The following CNBD1 variants were observed in gnomAD, a reference collection of about 807,000 sequenced individuals.
The protein encoded by CNBD1 is cyclic nucleotide binding domain containing 1.
CNBD1 carries 71 observed loss-of-function variants against 54.4 expected under a neutral mutation model. The ratio of observed to expected loss-of-function variants is 1.30; its 90% confidence interval spans 1.08 to 1.59. The LOEUF (loss-of-function observed/expected upper bound fraction) is 1.59. Among genes scored for constraint, CNBD1 ranks in the 40% most tolerant of loss-of-function variants. The probability of loss-of-function intolerance (pLI) is 0.00; values close to 1 mark genes in which losing one functional copy is unlikely to be tolerated. For synonymous variants in CNBD1, 182 were observed against 170.7 expected (o/e 1.07, Z -0.51); for missense variants, 659 against 518.0 (o/e 1.27, Z -2.64).
chr8:86,883,699 T>C (rs1476352943), intron 1 of CNBD1, among the ~76,000 whole-genome samples: 4 of 152,206 alleles, frequency 2.6e-5, no homozygotes, highest in Admixed American at 2.6e-4. Context: ...AGGTCTCTGA[T>C]GATCTTAATG....
chr8:87,392,191 A>G (rs1467922471), intron 2 of CNBD1, among the ~76,000 whole-genome samples: 1 of 152,056 alleles, frequency 6.6e-6, no homozygotes, highest in African/African-American at 2.4e-5. Context: ...TCGTGCTCTC[A>G]TACATAGCTT....
chr8:87,426,361 A>G (rs780941300), intron 2 of CNBD1, among the ~76,000 whole-genome samples: 25 of 152,166 alleles, frequency 1.6e-4, no homozygotes, highest in Admixed American at 4.6e-4. Context: ...TTGATTTTCT[A>G]AATTATTAAA....
At chr8:87,392,430 G>A (rs1307803250) in intron 2 of CNBD1, among the ~76,000 whole-genome samples, 3 of 151,934 alleles carry the variant, frequency 2.0e-5, no homozygotes, top group Non-Finnish European at 4.4e-5. Context: ...CCGATGAAGG[G>A]ATAAATTAAA....
Position 87,425,590 on chromosome 8 carries a change from A to G in CNBD1, c.214-2956A>G, listed in dbSNP as rs970444206. On this transcript the variant is annotated intron_variant, in intron 2 of 7. Transcript: ENST00000521593. ...GGAGTACCCTGCAGTGTGAGGTGTC[A>G]GTGTGCCCCTGCTGGAGGGTGCCTC... Among the ~76,000 whole-genome samples, 8 of 152,062 alleles carry G rather than the reference A, an allele frequency of 5.3e-5. 1 individual carries two copies. The highest frequency in any genetic ancestry group is 1.9e-4 in the African/African-American group (8 of 41,430).
intron 1 of CNBD1, among the ~76,000 whole-genome samples, chr8:86,875,676 C>T (rs2131772795): frequency 6.6e-6 from 1 of 152,054 alleles, no homozygotes; most frequent in East Asian, 1.9e-4. Flanking sequence ...GAATTTATTG[C>T]TATTGCCTCT....
intron 7 of CNBD1, among the ~76,000 whole-genome samples, chr8:87,285,813 T>C (rs1256433856): frequency 6.6e-6 from 1 of 152,132 alleles, no homozygotes; most frequent in Non-Finnish European, 1.5e-5. Flanking sequence ...GAGTTTGTGG[T>C]GAGGAAAGAT....
At chr8:86,916,442 A>C (rs1256853520) in intron 3 of CNBD1, among the ~76,000 whole-genome samples, 6 of 152,054 alleles carry the variant, frequency 3.9e-5, no homozygotes, top group African/African-American at 7.2e-5. Flanking sequence ...GCCTGCTAGC[A>C]CTTGGGAGGT....
intron 4 of CNBD1, among the ~76,000 whole-genome samples, chr8:87,013,351 T>G (rs1809263663): frequency 6.6e-6 from 1 of 152,152 alleles, no homozygotes; most frequent in African/African-American, 2.4e-5. Flanking sequence ...AGAAAACAAG[T>G]AGAATGACCC....
chr8:87,064,670 A>C (rs1810614298), intron 4 of CNBD1, among the ~76,000 whole-genome samples: 1 of 151,786 alleles, frequency 6.6e-6, no homozygotes, highest in Admixed American at 6.6e-5. Flanking sequence ...CTAGTAACCC[A>C]CCTTCCTAGT....
intron 4 of CNBD1, among the ~76,000 whole-genome samples, chr8:86,998,910 G>T (rs1351524537): frequency 6.6e-6 from 1 of 152,104 alleles, no homozygotes; most frequent in African/African-American, 2.4e-5. Flanking sequence ...CCACCTCTGT[G>T]TAACTGTGTT....
intron 4 of CNBD1, among the ~76,000 whole-genome samples, chr8:86,951,586 A>C (rs1586157514): frequency 9.0e-6 from 1 of 111,284 alleles, no homozygotes; most frequent in East Asian, 2.2e-4. Flanking sequence ...TCTCACAAAA[A>C]AAAAAAAAAA....
intron 10 of CNBD1, among the ~76,000 whole-genome samples, chr8:87,358,424 CACTT>C (rs1490159734): frequency 6.6e-6 from 1 of 152,086 alleles, no homozygotes; most frequent in African/African-American, 2.4e-5. Context: ...ACAATATTCT[CACTT>C]AATATTTTTT....
At chr8:86,917,863 A>G (rs1209935704) in intron 3 of CNBD1, among the ~76,000 whole-genome samples, 1 of 152,182 alleles carries the variant, frequency 6.6e-6, no homozygotes, top group African/African-American at 2.4e-5. Flanking sequence ...AACAGCCTTT[A>G]TTTACCTGAC....
At chr8:86,960,260 C>T (rs149922831) in intron 4 of CNBD1, among the ~76,000 whole-genome samples, 6,281 of 152,242 alleles carry the variant, frequency 0.041, 175 homozygotes, top group Non-Finnish European at 0.063. Flanking sequence ...CAGATAGTAC[C>T]TGGAAAATCA....
At chr8:87,032,667 C>T (rs1809820298) in intron 4 of CNBD1, among the ~76,000 whole-genome samples, 1 of 152,034 alleles carries the variant, frequency 6.6e-6, no homozygotes, top group South Asian at 2.1e-4. Flanking sequence ...TTTTTGTCTT[C>T]CTTTTTTCTC....
chr8:87,343,343 AG>A (rs1810105836), intron 8 of CNBD1, among the ~76,000 whole-genome samples: 1 of 152,198 alleles, frequency 6.6e-6, no homozygotes, highest in African/African-American at 2.4e-5. Flanking sequence ...CAGGGTCCTG[AG>A]GTGACATACA....
At chr8:87,284,468 T>A (rs1266919951) in intron 6 of CNBD1, among the ~76,000 whole-genome samples, 1 of 152,176 alleles carries the variant, frequency 6.6e-6, no homozygotes, top group African/African-American at 2.4e-5. Context: ...ATTTTTTATG[T>A]TATTTTCTTC....
intron 4 of CNBD1, among the ~76,000 whole-genome samples, chr8:87,077,426 T>C (rs1467427367): frequency 3.3e-5 from 5 of 151,128 alleles, no homozygotes; most frequent in Non-Finnish European, 7.4e-5. Flanking sequence ...TTTTTTTTTT[T>C]TTTTATTATA....
chr8:87,011,124 A>AG (rs1933164109), intron 4 of CNBD1, among the ~76,000 whole-genome samples: 1 of 151,706 alleles, frequency 6.6e-6, no homozygotes, highest in Admixed American at 6.6e-5. Flanking sequence ...TTTTGTCCCT[A>AG]AAGTGTACTT....
Sources: gnomAD v4.1 joint callset for allele counts (sites outside exome capture counted in the v4.1 genomes callset) on GRCh38, gnomAD v4.1.1 for gene constraint, MANE v1.5 for transcripts, NCBI Gene and HGNC (gene_info 2026-07-23, HGNC 2026-07-21) for gene names.